WDR19: variants seen among roughly 807,000 people sequenced by gnomAD.
WDR19 encodes WD repeat domain 19.
A neutral mutation model predicts 180.0 loss-of-function variants in WDR19; 121 were observed. That is an observed-to-expected ratio of 0.67 (90% CI 0.58 to 0.78). The LOEUF (loss-of-function observed/expected upper bound fraction) is 0.78. WDR19 is among the 30% of genes least tolerant of loss of function. WDR19 has a pLI of 0.00. For missense variants in WDR19, 1,450 were observed against 1,640.7 expected (o/e 0.88, Z 2.01); for synonymous variants, 497 against 540.7 (o/e 0.92, Z 1.12).
At chr4:39,266,011 T>C in intron 28 of WDR19, 52 bp from the exon 29 acceptor site, 4 of 1,464,504 alleles carry the variant, frequency 2.7e-6, no homozygotes, top group Non-Finnish European at 3.7e-6. Context: ...TTCTCCACTC[T>C]TGCTCGGTTT....
At chr4:39,279,317 C>G (rs1434691723) in intron 36 of WDR19, among the ~76,000 whole-genome samples, 9 of 152,244 alleles carry the variant, frequency 5.9e-5, no homozygotes, top group Admixed American at 5.2e-4. Flanking sequence ...TCTCTGTTTT[C>G]CCTTCCTCAG....
At chr4:39,279,913 G>A (rs2109530878) in intron 36 of WDR19, among the ~76,000 whole-genome samples, 1 of 152,054 alleles carries the variant, frequency 6.6e-6, no homozygotes, top group South Asian at 2.1e-4. Context: ...ATGTTGGCCA[G>A]GCTGGTTTCC....
chr4:39,240,436 G>T, intron 21 of WDR19, 102 bp downstream of exon 21: 1 of 594,712 alleles, frequency 1.7e-6, no homozygotes. Flanking sequence ...TTAATATCTA[G>T]CAGGTGAGTG....
At chr4:39,256,274 T>C (rs947844348) in intron 27 of WDR19, among the ~76,000 whole-genome samples, 3 of 152,254 alleles carry the variant, frequency 2.0e-5, no homozygotes, top group Non-Finnish European at 4.4e-5. Flanking sequence ...CTTTAGAGTT[T>C]GTCATCCTTC....
chr4:39,204,620 C>A (rs972598379), intron 7 of WDR19, among the ~76,000 whole-genome samples: 1 of 152,170 alleles, frequency 6.6e-6, no homozygotes, highest in African/African-American at 2.4e-5. Flanking sequence ...AACATAATTA[C>A]ATCCTCCACT....
intron 14 of WDR19, among the ~76,000 whole-genome samples, chr4:39,224,024 T>G (rs1276104662): frequency 6.6e-6 from 1 of 152,182 alleles, no homozygotes; most frequent in Non-Finnish European, 1.5e-5. Context: ...TCATTAGTGT[T>G]TTATAATTTT....
chr4:39,273,392 C>A, intron 32 of WDR19: 1 of 296,996 alleles, frequency 3.4e-6, no homozygotes, highest in South Asian at 5.4e-5. Context: ...ACACAGGACG[C>A]AAGTTCCGTA....
At chr4:39,247,926 C>T (rs1560535648) in intron 24 of WDR19, among the ~76,000 whole-genome samples, 1 of 152,208 alleles carries the variant, frequency 6.6e-6, no homozygotes, top group Non-Finnish European at 1.5e-5. Context: ...TTGGAAAACA[C>T]TCTGCAGGAT....
chr4:39,194,323 A>G (rs1726488837), intron 4 of WDR19, among the ~76,000 whole-genome samples: 1 of 152,360 alleles, frequency 6.6e-6, no homozygotes, highest in South Asian at 2.1e-4. Context: ...TGAAGTCTAC[A>G]TTCATTATAC....
At chr4:39,191,318 A>G (rs1726127862) in intron 4 of WDR19, among the ~76,000 whole-genome samples, 1 of 152,208 alleles carries the variant, frequency 6.6e-6, no homozygotes. Flanking sequence ...GTCCTGTTGT[A>G]CATGACCACC....
intron 33 of WDR19, 95 bp downstream of exon 33, chr4:39,275,053 T>TG: frequency 2.0e-6 from 3 of 1,493,902 alleles, no homozygotes; most frequent in Non-Finnish European, 1.8e-6. Flanking sequence ...AAGAAAACGG[T>TG]GGGGGGCCAG....
chr4:39,239,831 G>A (rs946579331), intron 20 of WDR19, among the ~76,000 whole-genome samples: 6 of 152,116 alleles, frequency 3.9e-5, no homozygotes, highest in African/African-American at 1.4e-4. Flanking sequence ...TCTTTTGTGA[G>A]CTTAAGCAAC....
intron 3 of WDR19, among the ~76,000 whole-genome samples, chr4:39,188,753 C>G (rs1210540231): frequency 6.6e-6 from 1 of 151,704 alleles, no homozygotes; most frequent in Non-Finnish European, 1.5e-5. Flanking sequence ...TATAACTTTG[C>G]TGCTTTTCTT....
chr4:39,263,478 G>GT, intron 28 of WDR19, among the ~76,000 whole-genome samples: 1 of 152,114 alleles, frequency 6.6e-6, no homozygotes, highest in Non-Finnish European at 1.5e-5. Flanking sequence ...TTCAATGCCA[G>GT]TGCCCCTCAG....
rs367707646 is a variant in WDR19 at position 39,244,415 on chromosome 4, A to G, written c.2562+27A>G. On this transcript the variant is annotated intron_variant, in intron 22 of 36. Transcript: ENST00000399820. ...TCCTCTTTTCTCTGCATCAATATAC[A>G]TGTGGTCTTTTATACATAATAACTT... The G allele has an allele frequency of 4.3e-6, 7 of 1,613,794 alleles. No homozygotes were observed. In the African/African-American group the frequency reaches 8.0e-5, roughly 18 times the overall value.
chr4:39,280,119 G>GT lies in WDR19; in HGVS notation c.*13+1478dup, dbSNP rs551041321. Among the ~76,000 whole-genome samples the GT allele has an allele frequency of 4.3e-3, 231 of 53,958 alleles. 5 individuals carry two copies. The highest frequency in any genetic ancestry group is 0.013 in the African/African-American group (215 of 16,026). The allele number at this position is 53,958 out of a possible 152,430, so 35.4% of individuals were successfully genotyped here. On this transcript the variant is annotated intron_variant, in intron 36 of 36. Transcript: ENST00000399820. The stretch of plus-strand genomic sequence containing the variant: ...TTTGTGGGTTTTTTTCCCTTTTCTT[G>GT]TTTTTTTTTTTTTTTTTTTTTTAAT...
intron 24 of WDR19, among the ~76,000 whole-genome samples, chr4:39,248,614 C>T (rs1262723572): frequency 1.3e-5 from 2 of 151,982 alleles, no homozygotes; most frequent in African/African-American, 2.4e-5. Flanking sequence ...ACCCATCTCA[C>T]GTGCAGAGAC....
chr4:39,243,822 C>T (rs780589081), intron 21 of WDR19, among the ~76,000 whole-genome samples: 1 of 151,620 alleles, frequency 6.6e-6, no homozygotes, highest in African/African-American at 2.4e-5. Context: ...GTCTTTGGTA[C>T]CTTTAATGAA....
At position 39,196,949 on chromosome 4, in the gene WDR19, A is replaced by G. The variant is rs138458379; in HGVS notation, c.406+2290A>G. On this transcript the variant is annotated intron_variant, in intron 5 of 36. Coordinates refer to ENST00000399820, the MANE Select transcript of WDR19 (RefSeq NM_025132.4). ...CTGCTTTCTGCATAGGTACTGTATT[A>G]GATTCTTTGAGGGTACGAAGAATAA... 1.0e-3 allele frequency among the ~76,000 whole-genome samples: 154 copies of G among 152,336 alleles called. 1 individual carries two copies. The highest frequency in any genetic ancestry group is 3.6e-3 in the African/African-American group (151 of 41,570).
Sources: gnomAD v4.1 joint callset for allele counts (sites outside exome capture counted in the v4.1 genomes callset) on GRCh38, gnomAD v4.1.1 for gene constraint, MANE v1.5 for transcripts, NCBI Gene and HGNC (gene_info 2026-07-23, HGNC 2026-07-21) for gene names.